The following SLC4A5 variants were observed in gnomAD, a reference collection of about 807,000 sequenced individuals.
SLC4A5 encodes electrogenic sodium bicarbonate cotransporter 4.
SLC4A5 carries 96 observed loss-of-function variants against 120.4 expected under a neutral mutation model. That is an observed-to-expected ratio of 0.80 (90% CI 0.68 to 0.94). SLC4A5 has a LOEUF of 0.94. Among genes scored for constraint, SLC4A5 ranks in the 40% least tolerant of loss-of-function variants. The pLI is 0.00. For synonymous variants in SLC4A5, 550 were observed against 571.1 expected (o/e 0.96, Z 0.53); for missense variants, 1,259 against 1,459.5 (o/e 0.86, Z 2.24).
chr2:74,328,164 G>A (rs1349426795), exon 5 of SLC4A5: 62 of 985,774 alleles, frequency 6.3e-5, no homozygotes, highest in Non-Finnish European at 6.9e-5. Context: ...ATCCCAGGGA[G>A]GCCAGAACCA....
chr2:74,304,390 G>A (rs553929229), intron 7 of SLC4A5, 99 bp downstream of exon 7: 35 of 1,250,080 alleles, frequency 2.8e-5, no homozygotes, highest in Middle Eastern at 5.7e-4. Context: ...CATGTGGAGC[G>A]TTACCCACAT....
intron 7 of SLC4A5, among the ~76,000 whole-genome samples, chr2:74,304,016 A>AT (rs1304481414): frequency 3.3e-5 from 5 of 151,574 alleles, no homozygotes; most frequent in African/African-American, 9.7e-5. Flanking sequence ...CGCCCGGCTA[A>AT]TTTTTTGTAT....
At chr2:74,250,161 G>T (rs1023039743) in intron 17 of SLC4A5, among the ~76,000 whole-genome samples, 182 bp downstream of exon 17, 1 of 152,170 alleles carries the variant, frequency 6.6e-6, no homozygotes, top group Admixed American at 6.5e-5. Context: ...TTTAGCTTCA[G>T]ATCTTTTAAT....
intron 17 of SLC4A5, among the ~76,000 whole-genome samples, chr2:74,249,990 TA>T (rs1670741030): frequency 1.3e-5 from 2 of 152,186 alleles, no homozygotes; most frequent in Non-Finnish European, 2.9e-5. Context: ...GGTTAGTTTT[TA>T]AAAAGTGTGG....
intron 19 of SLC4A5, among the ~76,000 whole-genome samples, chr2:74,243,710 C>G: frequency 6.6e-6 from 1 of 152,182 alleles, no homozygotes; most frequent in Non-Finnish European, 1.5e-5. Flanking sequence ...TTGATGTCTT[C>G]TGCTTATGCT....
At chr2:74,254,727 G>A (rs779103610) in intron 13 of SLC4A5, 21 bp from the exon 14 acceptor site, 2 of 1,551,598 alleles carry the variant, frequency 1.3e-6, no homozygotes, top group African/African-American at 1.4e-5. Context: ...GATGGAGGAG[G>A]AGACAGAGAA....
chr2:74,224,612 C>T (rs1694776891), intron 28 of SLC4A5, among the ~76,000 whole-genome samples: 1 of 152,064 alleles, frequency 6.6e-6, no homozygotes, highest in Non-Finnish European at 1.5e-5. Flanking sequence ...GTCACCTTTT[C>T]CCTGGACAGG....
chr2:74,329,361 G>A (rs1409435819), intron 4 of SLC4A5, among the ~76,000 whole-genome samples: 9 of 152,170 alleles, frequency 5.9e-5, no homozygotes, highest in East Asian at 5.8e-4. Flanking sequence ...AGGCTGAGGC[G>A]GGCAGATCAC....
chr2:74,264,307 G>A lies in SLC4A5; in HGVS notation c.563-8C>T, dbSNP rs770749156. On this transcript the variant is annotated splice_polypyrimidine_tract_variant and splice_region_variant and intron_variant, in intron 9 of 30. Coordinates refer to ENST00000394019, the Ensembl canonical transcript of SLC4A5. ...GCTTCTCAATGACATCATCTGTGTG[G>A]AAAACATACACACCTCATCCCTGTG... is the stretch of plus-strand genomic sequence containing the variant. The A allele has an allele frequency of 3.7e-6, 6 of 1,611,702 alleles. No homozygotes were observed. The South Asian group carries it at 4.4e-5, about 12-fold the overall frequency.
exon 7 of SLC4A5, chr2:74,304,501 T>C: frequency 2.5e-6 from 4 of 1,612,214 alleles, no homozygotes; most frequent in Non-Finnish European, 3.4e-6. Context: ...GTCCTGCTGA[T>C]AAGATCCATG....
intron 3 of SLC4A5, among the ~76,000 whole-genome samples, chr2:74,338,313 C>T (rs934760575): frequency 6.6e-6 from 1 of 152,152 alleles, no homozygotes; most frequent in African/African-American, 2.4e-5. Context: ...AATCTTGTAA[C>T]TGTGTTATTT....
intron 8 of SLC4A5, among the ~76,000 whole-genome samples, chr2:74,276,310 T>A (rs947161118): frequency 6.6e-6 from 1 of 152,156 alleles, no homozygotes; most frequent in South Asian, 2.1e-4. Flanking sequence ...AAGAACAGAT[T>A]CATATTTTAC....
chr2:74,243,925 G>C (rs1670525928), intron 19 of SLC4A5, among the ~76,000 whole-genome samples: 1 of 152,150 alleles, frequency 6.6e-6, no homozygotes, highest in African/African-American at 2.4e-5. Context: ...ATACAAATCA[G>C]TTACAATGGA....
At chr2:74,242,373 A>C (rs1670475873) in intron 19 of SLC4A5, among the ~76,000 whole-genome samples, 1 of 152,242 alleles carries the variant, frequency 6.6e-6, no homozygotes, top group African/African-American at 2.4e-5. Context: ...TGCCTTGTGA[A>C]TCTTCACCGG....
intron 7 of SLC4A5, among the ~76,000 whole-genome samples, chr2:74,299,748 GA>G (rs1672424120): frequency 3.3e-5 from 5 of 152,216 alleles, no homozygotes; most frequent in Non-Finnish European, 7.3e-5. Flanking sequence ...GGAGAAAAGG[GA>G]ACACTTGTGC....
chr2:74,266,758 T>C (rs949299641), intron 8 of SLC4A5, among the ~76,000 whole-genome samples: 1 of 152,144 alleles, frequency 6.6e-6, no homozygotes, highest in Non-Finnish European at 1.5e-5. Flanking sequence ...CTTATATTCT[T>C]GGAGAATATT....
At chr2:74,222,665 C>T (rs1694691411) in intron 29 of SLC4A5, among the ~76,000 whole-genome samples, 1 of 152,204 alleles carries the variant, frequency 6.6e-6, no homozygotes, top group African/African-American at 2.4e-5. Context: ...GGAACAGTCT[C>T]ATCCCAAAAC....
chr2:74,237,212 G>A (rs1395522174), intron 21 of SLC4A5, among the ~76,000 whole-genome samples: 2 of 152,156 alleles, frequency 1.3e-5, no homozygotes, highest in African/African-American at 2.4e-5. Context: ...TCCTGCCTTC[G>A]TGATCCGCCT....
chr2:74,232,342 G>C (rs1398931251), intron 24 of SLC4A5, 127 bp downstream of exon 24: 1 of 1,097,608 alleles, frequency 9.1e-7, no homozygotes, highest in Non-Finnish European at 1.3e-6. Context: ...TCCTGTCCCT[G>C]TGGTTCTTGG....
Sources: allele counts gnomAD v4.1 joint callset (sites outside exome capture counted in the v4.1 genomes callset), GRCh38; gene constraint gnomAD v4.1.1; transcripts MANE v1.5; gene names NCBI Gene and HGNC (gene_info 2026-07-23, HGNC 2026-07-21).